Variants in PIKFYVE observed in about 807,000 individuals in gnomAD.
The protein encoded by PIKFYVE is phosphoinositide kinase, FYVE-type zinc finger containing.
Under a neutral mutation model 257.9 loss-of-function variants are expected in PIKFYVE, and 122 were observed. The observed-to-expected ratio is 0.47, with a 90% confidence interval of 0.41 to 0.55. The LOEUF is 0.55. Among genes scored for constraint, PIKFYVE ranks in the 20% least tolerant of loss-of-function variants. The pLI, the probability that PIKFYVE is intolerant of heterozygous loss-of-function variation, is 0.00. For synonymous variants in PIKFYVE, 892 were observed against 868.9 expected (o/e 1.03, Z -0.47); for missense variants, 2,160 against 2,536.6 (o/e 0.85, Z 3.19).
At chr2:208,337,788 C>T (rs1698303368) in intron 28 of PIKFYVE, among the ~76,000 whole-genome samples, 2 of 152,134 alleles carry the variant, frequency 1.3e-5, no homozygotes, top group Middle Eastern at 3.4e-3. Context: ...GTGGTGCGAT[C>T]GCGGCTCACT....
intron 20 of PIKFYVE, among the ~76,000 whole-genome samples, chr2:208,327,579 G>A (rs1024426765): frequency 6.6e-6 from 1 of 152,154 alleles, no homozygotes; most frequent in Non-Finnish European, 1.5e-5. Context: ...TTGTACTTAG[G>A]AAGTGATGTG....
intron 39 of PIKFYVE, among the ~76,000 whole-genome samples, chr2:208,353,151 C>T (rs1699921814): frequency 6.6e-6 from 1 of 152,206 alleles, no homozygotes; most frequent in Non-Finnish European, 1.5e-5. Context: ...TAAAACAGTA[C>T]TGTTCAAAGA....
chr2:208,309,358 A>C (rs1694707141), intron 12 of PIKFYVE, among the ~76,000 whole-genome samples: 1 of 152,152 alleles, frequency 6.6e-6, no homozygotes, highest in Non-Finnish European at 1.5e-5. Flanking sequence ...GGAGAAAGTC[A>C]CTCTTAATAA....
rs1277300445 is a variant in PIKFYVE at position 208,333,353 on chromosome 2, T to C, written c.4002T>C (p.Ser1334=). The C allele has an allele frequency of 6.2e-7, 1 of 1,614,214 alleles. No individual in the cohort carries two copies. Among genetic ancestry groups the C allele is most frequent in the Non-Finnish European group, 8.5e-7 (1 of 1,180,032 alleles). The change falls in exon 24 of 42, where the codon TCT becomes TCC. Residue 1334 remains serine, a synonymous_variant. Transcript: ENST00000264380. ...PVVALSNESW[S]MSFAKYLELR... ...TTGCTCTTTCCAATGAGTCCTGGTC[T>C]ATGTCATTTGCAAAATACCTTGAAC...
chr2:208,312,373 T>G, intron 13 of PIKFYVE, 78 bp downstream of exon 13: 1 of 1,131,640 alleles, frequency 8.8e-7, no homozygotes, highest in South Asian at 1.3e-5. Flanking sequence ...GCACATTGAT[T>G]AGCACAGAGA....
chr2:208,321,393 A>G (rs528617337), intron 17 of PIKFYVE, among the ~76,000 whole-genome samples: 1 of 152,020 alleles, frequency 6.6e-6, no homozygotes, highest in Non-Finnish European at 1.5e-5. Flanking sequence ...GAGTTGTAGT[A>G]AAAGAAACAG....
At chr2:208,327,029 T>G (rs1008594156) in intron 20 of PIKFYVE, among the ~76,000 whole-genome samples, 8 of 152,140 alleles carry the variant, frequency 5.3e-5, no homozygotes, top group African/African-American at 1.9e-4. Flanking sequence ...AATTGTTTAA[T>G]AAAACGAGAA....
chr2:208,267,558 G>C (rs1033325896), intron 1 of PIKFYVE, among the ~76,000 whole-genome samples: 1 of 135,006 alleles, frequency 7.4e-6, no homozygotes, highest in Non-Finnish European at 1.5e-5. Flanking sequence ...CCAGGTTGGA[G>C]TGCAGTGGCG....
chr2:208,307,394 AG>A (rs1301662302), intron 12 of PIKFYVE, among the ~76,000 whole-genome samples: 1 of 152,212 alleles, frequency 6.6e-6, no homozygotes, highest in African/African-American at 2.4e-5. Flanking sequence ...AGTGAAGTTC[AG>A]GATATTGAAG....
Position 208,348,010 on chromosome 2 carries a change from C to T in PIKFYVE, c.5361C>T (p.Gly1787=), listed in dbSNP as rs771148203. ...GCAAGGAGGGGACCGAGAATCAAGG[C>T]GTTGAGCCTCAAGGTGTGTTAAAGA... ...QTGKEGTENQ[G]VEPQDEVDGG... is the part of the protein sequence containing the mutation. The change falls in exon 35 of 42, where the codon GGC becomes GGT. Residue 1787 remains glycine (G), a synonymous_variant. Transcript: ENST00000264380. 5.0e-6 allele frequency: 8 copies of T among 1,613,992 alleles called. No homozygotes were observed. The highest frequency in any genetic ancestry group is 2.2e-5 in the East Asian group (1 of 44,894).
At chr2:208,302,480 G>T in intron 10 of PIKFYVE, 127 bp downstream of exon 10, 1 of 970,826 alleles carries the variant, frequency 1.0e-6, no homozygotes, top group East Asian at 2.7e-5. Context: ...GCTGTTTGAG[G>T]AAAGTTAAAA....
intron 7 of PIKFYVE, among the ~76,000 whole-genome samples, chr2:208,290,411 A>C (rs947302626): frequency 6.6e-6 from 1 of 152,212 alleles, no homozygotes; most frequent in Non-Finnish European, 1.5e-5. Flanking sequence ...TTCACCTACT[A>C]ATACGCATTT....
In PIKFYVE at chr2:208,352,795, G is replaced by A; in HGVS notation, c.5844+13G>A. 2 of 1,611,594 alleles carry A rather than the reference G, an allele frequency of 1.2e-6. No individual in the cohort carries two copies. Among genetic ancestry groups the A allele is most frequent in the African/African-American group, 1.3e-5 (1 of 74,974 alleles). On this transcript the variant is annotated intron_variant, in intron 39 of 41. Coordinates refer to ENST00000264380, the MANE Select transcript of PIKFYVE (RefSeq NM_015040.4). ...AAAGATGGCACAGGTAAGGGTATTGGACTATGTGAAGCATTTAGCTACTGG... is the reference window on the plus strand; with the variant it reads ...AAAGATGGCACAGGTAAGGGTATTGAACTATGTGAAGCATTTAGCTACTGG...
intron 13 of PIKFYVE, among the ~76,000 whole-genome samples, chr2:208,313,566 A>G (rs1263006925): frequency 4.7e-5 from 7 of 148,442 alleles, no homozygotes. Flanking sequence ...TGTTGAATGC[A>G]GTTTTCAGTT....
intron 18 of PIKFYVE, among the ~76,000 whole-genome samples, chr2:208,324,491 G>A (rs1016985195): frequency 6.6e-6 from 1 of 152,090 alleles, no homozygotes; most frequent in African/African-American, 2.4e-5. Flanking sequence ...ATACTTATTG[G>A]TGTCTACAAG....
At chr2:208,344,902 G>A (rs907377150) in intron 32 of PIKFYVE, among the ~76,000 whole-genome samples, 2 of 152,002 alleles carry the variant, frequency 1.3e-5, no homozygotes, top group Non-Finnish European at 1.5e-5. Flanking sequence ...ATGAGTCAGT[G>A]GGTCATATTT....
intron 12 of PIKFYVE, chr2:208,305,309 T>G: frequency 1.6e-6 from 2 of 1,261,642 alleles, no homozygotes; most frequent in South Asian, 3.4e-5. Context: ...CAAGGTGGCA[T>G]TTCTTTGCAT....
chr2:208,270,935 C>T (rs1198264986), intron 1 of PIKFYVE, among the ~76,000 whole-genome samples: 1 of 151,372 alleles, frequency 6.6e-6, no homozygotes, highest in Admixed American at 6.6e-5. Flanking sequence ...ACTCAGGAGG[C>T]TGAGGCAGGA....
intron 7 of PIKFYVE, 116 bp from the exon 8 acceptor site, chr2:208,298,525 A>G: frequency 1.5e-6 from 2 of 1,295,372 alleles, no homozygotes; most frequent in Non-Finnish European, 2.2e-6. Flanking sequence ...AAGTACTTTT[A>G]AAAGTACCCT....
Sources: gnomAD v4.1 joint callset for allele counts (sites outside exome capture counted in the v4.1 genomes callset) on GRCh38, gnomAD v4.1.1 for gene constraint, MANE v1.5 for transcripts, NCBI Gene and HGNC (gene_info 2026-07-23, HGNC 2026-07-21) for gene names.